The following FOXP1 variants were observed in gnomAD, a reference collection of about 807,000 sequenced individuals.
The protein encoded by FOXP1 is forkhead box P1.
FOXP1 carries 15 observed loss-of-function variants against 98.2 expected under a neutral mutation model. The ratio of observed to expected loss-of-function variants is 0.15; its 90% CI spans 0.10 to 0.24. The LOEUF (loss-of-function observed/expected upper bound fraction) is 0.24. Among genes scored for constraint, FOXP1 ranks in the 10% least tolerant of loss-of-function variants. The probability of loss-of-function intolerance (pLI) is 1.00; values close to 1 mark genes in which losing one functional copy is unlikely to be tolerated. For synonymous variants in FOXP1, 371 were observed against 314.5 expected, an observed-to-expected ratio of 1.18 and a Z score of -1.90; for missense variants, 633 against 848.5, an observed-to-expected ratio of 0.75 and a Z score of 3.15.
intron 9 of FOXP1, among the ~76,000 whole-genome samples, 200 bp downstream of exon 9, chr3:71,052,337 G>T (rs1053983379): frequency 6.6e-6 from 1 of 152,118 alleles, no homozygotes; most frequent in African/African-American, 2.4e-5. Flanking sequence ...GTGCAGTGGT[G>T]TTATAAAATA....
At chr3:71,061,995 G>A (rs1207465848) in intron 7 of FOXP1, among the ~76,000 whole-genome samples, 2 of 152,062 alleles carry the variant, frequency 1.3e-5, no homozygotes, top group African/African-American at 2.4e-5. Context: ...TAATTTCACC[G>A]TATCTTCCAA....
intron 2 of FOXP1, among the ~76,000 whole-genome samples, chr3:71,557,616 C>T (rs1044822846): frequency 2.0e-5 from 3 of 152,168 alleles, no homozygotes; most frequent in Non-Finnish European, 2.9e-5. Flanking sequence ...CCCACCTTCA[C>T]GGAAGAGTGA....
chr3:71,545,580 T>C (rs1366650386), intron 2 of FOXP1, among the ~76,000 whole-genome samples: 7 of 152,230 alleles, frequency 4.6e-5, no homozygotes, highest in African/African-American at 1.7e-4. Context: ...TAGAACATTA[T>C]ATGCTCCTTA....
chr3:71,324,604 C>T (rs973750439), intron 4 of FOXP1, among the ~76,000 whole-genome samples: 7 of 150,108 alleles, frequency 4.7e-5, no homozygotes, highest in South Asian at 4.3e-4. Flanking sequence ...CATCACACAC[C>T]GAGGCCTGTC....
chr3:71,134,482 T>C (rs552632053), intron 6 of FOXP1, among the ~76,000 whole-genome samples: 1 of 152,282 alleles, frequency 6.6e-6, no homozygotes, highest in South Asian at 2.1e-4. Context: ...GATAGACAGA[T>C]AGCTCAAGGA....
intron 7 of FOXP1, among the ~76,000 whole-genome samples, chr3:71,056,711 C>T (rs1014304610): frequency 6.6e-6 from 1 of 151,988 alleles, no homozygotes; most frequent in African/African-American, 2.4e-5. Flanking sequence ...GTTATAAAAC[C>T]AAGATTTCCC....
intron 6 of FOXP1, among the ~76,000 whole-genome samples, chr3:71,176,311 C>T (rs1474944587): frequency 6.6e-6 from 1 of 152,102 alleles, no homozygotes; most frequent in East Asian, 1.9e-4. Flanking sequence ...AGCTGCTTTT[C>T]AGTTGTCTAT....
chr3:71,005,339 A>AAC (rs2042657386), intron 12 of FOXP1, among the ~76,000 whole-genome samples: 1 of 150,182 alleles, frequency 6.7e-6, no homozygotes, highest in Non-Finnish European at 1.5e-5. Flanking sequence ...AAAAAAAAAA[A>AAC]AACCAGAATC....
chr3:71,065,199 G>A (rs1236496134), intron 7 of FOXP1, among the ~76,000 whole-genome samples: 4 of 151,854 alleles, frequency 2.6e-5, no homozygotes, highest in Admixed American at 6.6e-5. Context: ...ACCCGCCTCC[G>A]GCTGACGTCT....
chr3:71,329,019 T>C (rs536376579), intron 4 of FOXP1, among the ~76,000 whole-genome samples: 1 of 139,754 alleles, frequency 7.2e-6, no homozygotes, highest in South Asian at 2.4e-4. Flanking sequence ...AGTTTCAGAA[T>C]GGCCAAATTG....
intron 2 of FOXP1, among the ~76,000 whole-genome samples, chr3:71,536,149 C>A (rs1042322448): frequency 3.3e-5 from 5 of 152,040 alleles, no homozygotes; most frequent in Non-Finnish European, 5.9e-5. Flanking sequence ...CTGAAGGATT[C>A]CAGTTTTCAA....
intron 4 of FOXP1, among the ~76,000 whole-genome samples, chr3:71,347,144 A>C (rs915747955): frequency 7.2e-5 from 11 of 152,204 alleles, no homozygotes; most frequent in Non-Finnish European, 1.5e-4. Context: ...GAATTAATAG[A>C]ATCCAGAATG....
chr3:71,462,406 C>T (rs1426395824), intron 3 of FOXP1, among the ~76,000 whole-genome samples: 1 of 152,168 alleles, frequency 6.6e-6, no homozygotes, highest in Non-Finnish European at 1.5e-5. Context: ...TCACTTCAAA[C>T]AACACCTTCC....
chr3:71,023,261 T>G (rs538802369), intron 11 of FOXP1, among the ~76,000 whole-genome samples: 2 of 152,240 alleles, frequency 1.3e-5, no homozygotes, highest in Non-Finnish European at 2.9e-5. Flanking sequence ...TTTGGTCTCA[T>G]GTCCATGTGC....
intron 13 of FOXP1, among the ~76,000 whole-genome samples, chr3:70,995,699 T>C (rs1027754636): frequency 2.6e-5 from 4 of 152,172 alleles, no homozygotes; most frequent in African/African-American, 7.2e-5. Flanking sequence ...TTTGCAATAA[T>C]GAAATGCAGT....
At chr3:70,966,225 C>T (rs544567921) in intron 19 of FOXP1, 169 bp from the exon 20 acceptor site, 39 of 678,330 alleles carry the variant, frequency 5.7e-5, no homozygotes, top group Admixed American at 4.0e-4. Context: ...CGACTCGTGG[C>T]ACCTGTCCCA....
chr3:71,276,955 C>CA (rs1217608544), intron 5 of FOXP1, among the ~76,000 whole-genome samples: 8 of 129,480 alleles, frequency 6.2e-5, no homozygotes, highest in Non-Finnish European at 1.1e-4. Flanking sequence ...AGTAGATCAA[C>CA]TTTTTTTTTT....
At chr3:70,960,833 A>C (rs1389541038) in intron 20 of FOXP1, among the ~76,000 whole-genome samples, 1 of 148,914 alleles carries the variant, frequency 6.7e-6, no homozygotes, top group African/African-American at 2.6e-5. Flanking sequence ...GTTACCTTTA[A>C]AAAAATAATT....
At chr3:71,507,813 G>A (rs538466059) in intron 2 of FOXP1, among the ~76,000 whole-genome samples, 17 of 152,208 alleles carry the variant, frequency 1.1e-4, no homozygotes, top group South Asian at 6.2e-4. Context: ...TCCTGACCTC[G>A]TGATCCACCC....
Sources: gnomAD v4.1 joint callset for allele counts (sites outside exome capture counted in the v4.1 genomes callset) on GRCh38, gnomAD v4.1.1 for gene constraint, MANE v1.5 for transcripts, NCBI Gene and HGNC (gene_info 2026-07-23, HGNC 2026-07-21) for gene names.